The following SMO variants were observed in gnomAD, a reference collection of about 807,000 sequenced individuals.
The protein encoded by SMO is smoothened, frizzled class receptor.
Under a neutral mutation model 81.6 loss-of-function variants are expected in SMO, and 40 were observed. The ratio of observed to expected loss-of-function variants is 0.49; its 90% CI spans 0.38 to 0.64. The LOEUF (loss-of-function observed/expected upper bound fraction) is 0.64, where lower values mean the gene tolerates loss of function less well. SMO is among the 30% of genes least tolerant of loss of function. The probability of loss-of-function intolerance (pLI) is 0.00; values close to 1 mark genes in which losing one functional copy is unlikely to be tolerated. For missense variants in SMO, 916 were observed against 1,061.1 expected (o/e 0.86, Z 1.90); for synonymous variants, 434 against 432.1 (o/e 1.00, Z -0.05).
Position 129,206,706 on chromosome 7 carries a change from G to A in SMO, c.1264+119G>A. Reference sequence around the variant, plus strand: ...CTGAAACCCCAGCTAGCTCCTATAGGGCCTTCACACAGTAGAAGGTGACCC... The same window carrying A: ...CTGAAACCCCAGCTAGCTCCTATAGAGCCTTCACACAGTAGAAGGTGACCC... On this transcript the variant is annotated intron_variant, in intron 6 of 11. Coordinates refer to ENST00000249373, the MANE Select transcript of SMO (RefSeq NM_005631.5). This position sits in a 1 kb window ranked among gnomAD's most constrained non-coding sequence, Gnocchi z 4.4. 1.0e-6 allele frequency: 1 copy of A among 1,000,434 alleles called. No homozygotes were observed. Among genetic ancestry groups the A allele is most frequent in the Admixed American group, 2.5e-5 (1 of 40,788 alleles). The allele number at this position is 1,000,434 out of a possible 1,614,324, so 62.0% of individuals were successfully genotyped here. A position where few individuals can be genotyped will look rare whatever the true frequency, so the allele number is the denominator to read the frequency against.
chr7:129,207,797 G>A (rs1422288025), intron 6 of SMO, among the ~76,000 whole-genome samples: 1 of 152,164 alleles, frequency 6.6e-6, no homozygotes, highest in Non-Finnish European at 1.5e-5. Flanking sequence ...AGAGGCTGAG[G>A]TGGGAGGCTT....
In SMO at chr7:129,213,304, G is replaced by A. The variant is rs1290115553; in HGVS notation, c.*853G>A. ...ATCATCTCTTCCTCACACCCATTTA[G>A]TGGGGGATGGGTCCTCTAGACTTGA... is the stretch of plus-strand genomic sequence containing the variant. On this transcript the variant is annotated 3_prime_UTR_variant, in exon 12 of 12. Coordinates refer to ENST00000249373, the MANE Select transcript of SMO (RefSeq NM_005631.5). 4.3e-6 allele frequency: 1 copy of A among 233,028 alleles called. No homozygotes were observed. Among genetic ancestry groups the A allele is most frequent in the Admixed American group, 5.6e-5 (1 of 17,780 alleles). 14.4% of individuals were successfully genotyped at this position (233,028 alleles called of 1,614,324 possible). A position where few individuals can be genotyped will look rare whatever the true frequency, so the allele number is the denominator to read the frequency against.
chr7:129,191,342 C>T (rs2150639672), intron 1 of SMO, among the ~76,000 whole-genome samples: 1 of 152,306 alleles, frequency 6.6e-6, no homozygotes, highest in East Asian at 1.9e-4. Flanking sequence ...GTACCATCTG[C>T]AGGTTGTGCA....
chr7:129,206,056 C>A lies in SMO; in HGVS notation c.921-94C>A. 1 of 1,102,104 alleles carries A rather than the reference C, an allele frequency of 9.1e-7. No homozygotes were observed. The highest frequency in any genetic ancestry group is 1.3e-6 in the Non-Finnish European group (1 of 753,550). The allele number at this position is 1,102,104 out of a possible 1,614,324, so 68.3% of individuals were successfully genotyped here. On this transcript the variant is annotated intron_variant, in intron 4 of 11. Coordinates refer to ENST00000249373, the MANE Select transcript of SMO (RefSeq NM_005631.5). This position sits in a 1 kb window ranked among gnomAD's most constrained non-coding sequence, Gnocchi z 4.4. ...GCCCTGACTTCTGGGAACCTCCAGA[C>A]CTCAGCAGCTGAGGGTCTGGGCACA...
At chr7:129,203,942 CAG>C (rs938458446) in intron 2 of SMO, among the ~76,000 whole-genome samples, 8 of 151,918 alleles carry the variant, frequency 5.3e-5, no homozygotes, top group South Asian at 2.1e-4. Context: ...GCCACCAAGA[CAG>C]GGGACGTGAG....
rs1385995572 is a variant in SMO at position 129,211,688 on chromosome 7, G to A, written c.1854G>A (p.Trp618Ter). ...NEPSADVSSA[W>*]AQHVTKMVAR... ...CCTCAGCTGATGTCTCCTCTGCCTG[G>A]GCCCAGCATGTCACCAAGATGGTGG... is the stretch of plus-strand genomic sequence containing the variant. The change falls in exon 11 of 12, where the codon TGG (tryptophan) becomes TGA (stop). Residue 618 changes from tryptophan to a stop codon, truncating the protein, a stop_gained. Coordinates refer to ENST00000249373, the MANE Select transcript of SMO (RefSeq NM_005631.5). LOFTEE classifies it high-confidence loss of function. This position sits in a 1 kb window ranked among gnomAD's most constrained non-coding sequence, Gnocchi z 4.6. The A allele has an allele frequency of 1.2e-6, 2 of 1,613,752 alleles. No individual in the cohort carries two copies. The highest frequency in any genetic ancestry group is 1.7e-6 in the Non-Finnish European group (2 of 1,180,006).
Position 129,206,648 on chromosome 7 carries a change from G to C in SMO, c.1264+61G>C, listed in dbSNP as rs1397892901. On this transcript the variant is annotated intron_variant, in intron 6 of 11. Transcript: ENST00000249373. The surrounding 1 kb of genome is among the most constrained non-coding windows in gnomAD (Gnocchi z 4.4). ...AAAATATACTGGGCACTTGCTGCCA[G>C]TACTGGGAGCTGCCAGCACGGCTGC... 3.2e-6 allele frequency: 5 copies of C among 1,576,666 alleles called. No individual in the cohort carries two copies. The highest frequency in any genetic ancestry group is 2.2e-5 in the East Asian group (1 of 44,578).
chr7:129,197,016 CA>C (rs11445153), intron 1 of SMO, among the ~76,000 whole-genome samples: 5,375 of 113,256 alleles, frequency 0.047, 73 homozygotes, highest in African/African-American at 0.055. Context: ...GACACCGTCT[CA>C]AAAAAAAAAA....
Position 129,209,290 on chromosome 7 carries a change from C to G in SMO, c.1359C>G (p.Gly453=). The G allele has an allele frequency of 3.1e-6, 5 of 1,602,914 alleles. No homozygotes were observed. The highest frequency in any genetic ancestry group is 4.3e-6 in the Non-Finnish European group (5 of 1,169,738). ...CTGTCCTGCCCCTGTCCTCCACAGGCATTTTTGGCTTCCTGGCCTTTGGCT... is the reference window on the plus strand; with the variant it reads ...CTGTCCTGCCCCTGTCCTCCACAGGGATTTTTGGCTTCCTGGCCTTTGGCT... ...SKINETMLRL[G]IFGFLAFGFV... Residue 453 remains glycine, a splice_region_variant and synonymous_variant, in exon 8 of 12, where the codon GGC becomes GGG. Transcript: ENST00000249373.
Position 129,211,260 on chromosome 7 carries a change from T to C in SMO, c.1801+147T>C, listed in dbSNP as rs1793865680. 5 of 886,376 alleles carry C rather than the reference T, an allele frequency of 5.6e-6. No individual in the cohort carries two copies. The African/African-American group carries it at 6.6e-5, about 12-fold the overall frequency. 54.9% of individuals were successfully genotyped at this position (886,376 alleles called of 1,614,324 possible). ...CCCTCCATCGCTCACACACCCATTC[T>C]TCCCCCGGCCCCTCCTACCCTCTGG... On this transcript the variant is annotated intron_variant, in intron 10 of 11. Coordinates refer to ENST00000249373, the MANE Select transcript of SMO (RefSeq NM_005631.5). This position sits in a 1 kb window ranked among gnomAD's most constrained non-coding sequence, Gnocchi z 4.6.
In SMO at chr7:129,209,275, C is replaced by T. The variant is rs1298317316; in HGVS notation, c.1358-14C>T. The T allele has an allele frequency of 1.9e-6, 3 of 1,544,626 alleles. No individual in the cohort carries two copies. Among genetic ancestry groups the T allele is most frequent in the Admixed American group, 3.3e-5 (2 of 59,904 alleles). On this transcript the variant is annotated splice_polypyrimidine_tract_variant and intron_variant, in intron 7 of 11. Transcript: ENST00000249373. ...GGGCTTGGTAACGTCCTGTCCTGCC[C>T]CTGTCCTCCACAGGCATTTTTGGCT...
intron 1 of SMO, among the ~76,000 whole-genome samples, chr7:129,193,541 G>A (rs977802165): frequency 6.6e-6 from 1 of 150,672 alleles, no homozygotes; most frequent in Non-Finnish European, 1.5e-5. Context: ...GGCGGATCAC[G>A]AGGTCAGGAG....
chr7:129,211,259 C>T lies in SMO; in HGVS notation c.1801+146C>T, dbSNP rs546561506. 1.7e-4 allele frequency: 149 copies of T among 892,774 alleles called. No homozygotes were observed. The South Asian group carries it at 2.0e-3, about 12-fold the overall frequency. 55.3% of individuals were successfully genotyped at this position (892,774 alleles called of 1,614,324 possible). A position where few individuals can be genotyped will look rare whatever the true frequency, so the allele number is the denominator to read the frequency against. On this transcript the variant is annotated intron_variant, in intron 10 of 11. Transcript: ENST00000249373. The surrounding 1 kb of genome is among the most constrained non-coding windows in gnomAD (Gnocchi z 4.6). Reference sequence around the variant, plus strand: ...TCCCTCCATCGCTCACACACCCATTCTTCCCCCGGCCCCTCCTACCCTCTG... The same window carrying T: ...TCCCTCCATCGCTCACACACCCATTTTTCCCCCGGCCCCTCCTACCCTCTG...
chr7:129,207,126 G>A (rs1793786059), intron 6 of SMO, among the ~76,000 whole-genome samples: 1 of 152,206 alleles, frequency 6.6e-6, no homozygotes, highest in Non-Finnish European at 1.5e-5. Flanking sequence ...TTACAGGCAT[G>A]AGCCACAGTG....
rs924198644 is a variant in SMO at position 129,209,671 on chromosome 7, C to G, written c.1466+274C>G. ...GACTGTTAAGCAGCCAGTTCAGCTT[C>G]GTCTTCTCTGACTGACACTAAGTTG... On this transcript the variant is annotated intron_variant, in intron 8 of 11. Transcript: ENST00000249373. 4 of 404,660 alleles carry G rather than the reference C, an allele frequency of 9.9e-6. No individual in the cohort carries two copies. In the Admixed American group the frequency reaches 1.5e-4, roughly 15 times the overall value. 25.1% of individuals were successfully genotyped at this position (404,660 alleles called of 1,614,324 possible). A position where few individuals can be genotyped will look rare whatever the true frequency, so the allele number is the denominator to read the frequency against.
Position 129,211,536 on chromosome 7 carries a change from G to A in SMO, c.1802-100G>A, listed in dbSNP as rs1162981792. The A allele has an allele frequency of 7.7e-6, 10 of 1,293,798 alleles. No homozygotes were observed. Among genetic ancestry groups the A allele is most frequent in the Non-Finnish European group, 1.0e-5 (9 of 902,490 alleles). The allele number at this position is 1,293,798 out of a possible 1,614,324, so 80.1% of individuals were successfully genotyped here. A position where few individuals can be genotyped will look rare whatever the true frequency, so the allele number is the denominator to read the frequency against. ...GTGAGCTTTCTCTGGTGAGCAGGAG[G>A]GACTGGCTGTGGGAAGATGAATGGC... On this transcript the variant is annotated intron_variant, in intron 10 of 11. Transcript: ENST00000249373. This position sits in a 1 kb window ranked among gnomAD's most constrained non-coding sequence, Gnocchi z 4.6.
At position 129,189,061 on chromosome 7, in the gene SMO, C is replaced by T. The variant is rs1793440754; in HGVS notation, c.-91C>T. The stretch of plus-strand genomic sequence containing the variant: ...TGGGCGCACAGGTCGCCTGAGCCGC[C>T]TCCGCGGCCGCCGAGGTCGTGCGTG... On this transcript the variant is annotated 5_prime_UTR_variant, in exon 1 of 12. Coordinates refer to ENST00000249373, the MANE Select transcript of SMO (RefSeq NM_005631.5). This position sits in a 1 kb window ranked among gnomAD's most constrained non-coding sequence, Gnocchi z 4.7. The T allele has an allele frequency of 1.7e-6, 2 of 1,163,722 alleles. No homozygotes were observed. The highest frequency in any genetic ancestry group is 1.6e-5 in the African/African-American group (1 of 62,736). The allele number at this position is 1,163,722 out of a possible 1,614,324, so 72.1% of individuals were successfully genotyped here.
rs1304391104 is a variant in SMO, at chr7:129,209,342, T to G, written c.1411T>G (p.Phe471Val). The G allele has an allele frequency of 6.2e-7, 1 of 1,614,048 alleles. No homozygotes were observed. The highest frequency in any genetic ancestry group is 8.5e-7 in the Non-Finnish European group (1 of 1,180,000). Residue 471 changes from phenylalanine to valine, a missense_variant, in exon 8 of 12, where the codon TTC becomes GTC. This residue lies in a region of SMO where 436 missense variants were observed against 570.9 expected (regional missense o/e 0.76). Transcript: ENST00000249373. ...GFVLITFSCH[F>V]YDFFNQAEWE... ...TGTGCTCATTACCTTCAGCTGCCAC[T>G]TCTACGACTTCTTCAACCAGGCTGA...
chr7:129,204,561 G>A (rs12706866), intron 2 of SMO, among the ~76,000 whole-genome samples: 115,936 of 149,336 alleles, frequency 0.78, 45,316 homozygotes, highest in Middle Eastern at 0.86. Context: ...CAGTAGAATC[G>A]CTTGAACCCG....
Sources: allele counts gnomAD v4.1 joint callset (sites outside exome capture counted in the v4.1 genomes callset), GRCh38; gene constraint gnomAD v4.1.1; regional missense constraint gnomAD v4.1.1; non-coding constraint Gnocchi (gnomAD v3.1); transcripts MANE v1.5; gene names NCBI Gene and HGNC (gene_info 2026-07-23, HGNC 2026-07-21).